SDK1: variants seen among roughly 807,000 people sequenced by gnomAD.
SDK1 encodes the protein sidekick cell adhesion molecule 1.
Under a neutral mutation model 245.5 loss-of-function variants are expected in SDK1, and 157 were observed. The ratio of observed to expected loss-of-function variants is 0.64; its 90% CI spans 0.56 to 0.73. The LOEUF is 0.73. Ranked by LOEUF, SDK1 falls within the 30% of genes least tolerant of loss-of-function variation. SDK1 has a pLI of 0.00. For synonymous variants in SDK1, 1,647 were observed against 1,278.5 expected (o/e 1.29, Z -6.15); for missense variants, 3,583 against 3,002.3 (o/e 1.19, Z -4.52).
chr7:3,644,343 T>C (rs530449198), intron 4 of SDK1, among the ~76,000 whole-genome samples: 1 of 151,938 alleles, frequency 6.6e-6, no homozygotes, highest in Non-Finnish European at 1.5e-5. Context: ...CCTTTTTTCT[T>C]TATTTAATTA....
At position 3,642,109 on chromosome 7, in the gene SDK1, A is replaced by G; in HGVS notation, c.713+4A>G. The G allele has an allele frequency of 6.2e-7, 1 of 1,613,640 alleles. No individual in the cohort carries two copies. The highest frequency in any genetic ancestry group is 8.5e-7 in the Non-Finnish European group (1 of 1,179,638). On this transcript the variant is annotated splice_donor_region_variant and intron_variant, in intron 4 of 44. Transcript: ENST00000404826. Reference sequence around the variant, plus strand: ...AGATTATTCCAAGCAACAGAATGTAAGTTGCTCCAAACGTTAAAGCTTCAA... The same window carrying G: ...AGATTATTCCAAGCAACAGAATGTAGGTTGCTCCAAACGTTAAAGCTTCAA...
At chr7:3,453,995 G>C (rs1210756603) in intron 1 of SDK1, among the ~76,000 whole-genome samples, 1 of 152,154 alleles carries the variant, frequency 6.6e-6, no homozygotes, top group East Asian at 1.9e-4. Context: ...GAATTGGGAA[G>C]TTTTAGGAAT....
intron 1 of SDK1, among the ~76,000 whole-genome samples, chr7:3,359,015 T>C (rs1309758259): frequency 2.0e-5 from 3 of 152,204 alleles, no homozygotes; most frequent in Admixed American, 6.5e-5. Context: ...CCGGGAGTTA[T>C]GCTGGTTTCC....
chr7:3,456,482 T>C (rs1342810595), intron 1 of SDK1, among the ~76,000 whole-genome samples: 4 of 152,260 alleles, frequency 2.6e-5, no homozygotes, highest in African/African-American at 9.6e-5. Flanking sequence ...TGCTTTGTTA[T>C]CTGCATTCTC....
intron 7 of SDK1, among the ~76,000 whole-genome samples, chr7:3,957,879 C>T (rs1178511650): frequency 6.6e-6 from 1 of 152,234 alleles, no homozygotes; most frequent in Non-Finnish European, 1.5e-5. Context: ...GCCATCTCCT[C>T]AGCCGGAGTG....
intron 38 of SDK1, among the ~76,000 whole-genome samples, chr7:4,219,122 AATC>A (rs1784997327): frequency 6.6e-6 from 1 of 152,198 alleles, no homozygotes; most frequent in Non-Finnish European, 1.5e-5. Context: ...TCGTCCTCTG[AATC>A]GAGGCATCAA....
chr7:3,660,709 C>T (rs570625500), intron 4 of SDK1, among the ~76,000 whole-genome samples: 2 of 152,182 alleles, frequency 1.3e-5, no homozygotes, highest in South Asian at 4.1e-4. Flanking sequence ...ATGCTTCACC[C>T]AGGATGATTT....
At chr7:3,732,387 T>C (rs531990886) in intron 4 of SDK1, among the ~76,000 whole-genome samples, 57 of 152,340 alleles carry the variant, frequency 3.7e-4, no homozygotes, top group African/African-American at 1.3e-3. Context: ...AGTAGAACTT[T>C]CTAAAAGTCC....
intron 22 of SDK1, among the ~76,000 whole-genome samples, chr7:4,083,757 G>T (rs1426135113): frequency 5.7e-3 from 3 of 522 alleles, no homozygotes; most frequent in African/African-American, 0.018. Flanking sequence ...TTTACTTCCT[G>T]TCTCCCTCCC....
intron 4 of SDK1, among the ~76,000 whole-genome samples, chr7:3,667,494 A>G (rs1385215028): frequency 1.3e-5 from 2 of 152,188 alleles, no homozygotes; most frequent in African/African-American, 4.8e-5. Flanking sequence ...TTTTTGATAT[A>G]TAGCTTGATG....
rs186942516 is a variant in SDK1 at position 3,773,982 on chromosome 7, A to T, written c.714-47468A>T. On this transcript the variant is annotated intron_variant, in intron 4 of 44. Coordinates refer to ENST00000404826, the MANE Select transcript of SDK1 (RefSeq NM_152744.4). ...GTAATCCCAGCACTTTGGGAGGCCA[A>T]GGTGGGTGGATCACGAGGTCAGGAG... Among the ~76,000 whole-genome samples, 748 of 152,260 alleles carry T rather than the reference A, an allele frequency of 4.9e-3. 6 individuals are homozygous for T. The highest frequency in any genetic ancestry group is 0.017 in the African/African-American group (723 of 41,564).
intron 35 of SDK1, among the ~76,000 whole-genome samples, chr7:4,188,183 C>G (rs1782998606): frequency 6.6e-6 from 1 of 152,260 alleles, no homozygotes; most frequent in South Asian, 2.1e-4. Context: ...AACCATATCA[C>G]TAGCTGTATA....
intron 28 of SDK1, among the ~76,000 whole-genome samples, chr7:4,142,228 G>A (rs1307822021): frequency 1.3e-5 from 2 of 152,014 alleles, no homozygotes; most frequent in Non-Finnish European, 2.9e-5. Context: ...CGAAAGATTC[G>A]TATCTCTTCA....
At chr7:3,514,402 A>G (rs530065792) in intron 1 of SDK1, among the ~76,000 whole-genome samples, 2 of 152,326 alleles carry the variant, frequency 1.3e-5, no homozygotes, top group South Asian at 2.1e-4. Context: ...TTGATGAACT[A>G]TTACTGTTTT....
At chr7:4,095,639 C>G (rs1782104207) in intron 22 of SDK1, among the ~76,000 whole-genome samples, 2 of 152,174 alleles carry the variant, frequency 1.3e-5, no homozygotes, top group South Asian at 2.1e-4. Flanking sequence ...GTGGCGCGAT[C>G]TCAGCTCACT....
At chr7:3,733,921 C>T (rs750849087) in intron 4 of SDK1, among the ~76,000 whole-genome samples, 10 of 152,066 alleles carry the variant, frequency 6.6e-5, no homozygotes, top group South Asian at 2.1e-4. Flanking sequence ...AGCTACTGAC[C>T]GAGATCTCCA....
Position 3,788,501 on chromosome 7 carries a change from C to G in SDK1, c.714-32949C>G, listed in dbSNP as rs181226633. Among the ~76,000 whole-genome samples, 4 of 152,276 alleles carry G rather than the reference C, an allele frequency of 2.6e-5. No homozygotes were observed. In the East Asian group the frequency reaches 7.7e-4, roughly 29 times the overall value. On this transcript the variant is annotated intron_variant, in intron 4 of 44. Transcript: ENST00000404826. ...AATTATCTCCCGAAGGCAAAGAAAT[C>G]ACATGTCCTATTAGAATTCTGCATG...
chr7:3,626,995 A>G (rs1661077832), intron 2 of SDK1, among the ~76,000 whole-genome samples: 1 of 151,772 alleles, frequency 6.6e-6, no homozygotes, highest in Non-Finnish European at 1.5e-5. Flanking sequence ...TGGCACAGTC[A>G]TAGTTCATTG....
chr7:3,554,406 C>A (rs1779517901), intron 1 of SDK1, among the ~76,000 whole-genome samples: 1 of 147,156 alleles, frequency 6.8e-6, no homozygotes, highest in Admixed American at 7.0e-5. Context: ...AAAGCAAAAA[C>A]AGAACATACC....
Sources: gnomAD v4.1 joint callset for allele counts (sites outside exome capture counted in the v4.1 genomes callset) on GRCh38, gnomAD v4.1.1 for gene constraint, MANE v1.5 for transcripts, NCBI Gene and HGNC (gene_info 2026-07-23, HGNC 2026-07-21) for gene names.